The following PCDH7 variants were observed in gnomAD, a reference collection of about 807,000 sequenced individuals.
PCDH7 encodes protocadherin 7.
Under a neutral mutation model 58.9 loss-of-function variants are expected in PCDH7, and 17 were observed. The ratio of observed to expected loss-of-function variants is 0.29; its 90% CI spans 0.20 to 0.43. The LOEUF is 0.43. Ranked by LOEUF, PCDH7 falls within the 20% of genes least tolerant of loss-of-function variation. The probability of loss-of-function intolerance (pLI) is 1.00; values close to 1 mark genes in which losing one functional copy is unlikely to be tolerated. For synonymous variants in PCDH7, 664 were observed against 616.4 expected (o/e 1.08, Z -1.14); for missense variants, 1,274 against 1,441.0 (o/e 0.88, Z 1.88).
intron 2 of PCDH7, among the ~76,000 whole-genome samples, chr4:30,925,454 C>T (rs1743737872): frequency 6.6e-6 from 1 of 152,180 alleles, no homozygotes; most frequent in African/African-American, 2.4e-5. Flanking sequence ...TTCCATCTTT[C>T]CAAAGATCCT....
At chr4:30,970,710 A>G (rs1283177491) in intron 3 of PCDH7, among the ~76,000 whole-genome samples, 1 of 152,038 alleles carries the variant, frequency 6.6e-6, no homozygotes, top group Non-Finnish European at 1.5e-5. Flanking sequence ...AGCAATCAAC[A>G]CTCTTTTACA....
chr4:30,770,002 T>G (rs1721200008), intron 1 of PCDH7, among the ~76,000 whole-genome samples: 1 of 152,204 alleles, frequency 6.6e-6, no homozygotes, highest in Admixed American at 6.5e-5. Flanking sequence ...TAGCCTGAAG[T>G]GGCCAATCCC....
chr4:30,903,718 C>T (rs1423885339), intron 1 of PCDH7, among the ~76,000 whole-genome samples: 1 of 152,084 alleles, frequency 6.6e-6, no homozygotes, highest in East Asian at 1.9e-4. Context: ...GGATTCCTGA[C>T]TTGAAACTCC....
At chr4:30,737,910 A>C (rs1577598228), downstream of PCDH7, among the ~76,000 whole-genome samples, 1 of 152,156 alleles carries the variant, frequency 6.6e-6, no homozygotes, top group South Asian at 2.1e-4. Flanking sequence ...TAAACAACAG[A>C]AGTTAATTTT....
chr4:30,722,461 T>C lies in PCDH7; in HGVS notation c.1039T>C (p.Phe347Leu). Residue 347 changes from phenylalanine (F) to leucine (L), a missense_variant, in exon 1 of 2, where the codon TTC becomes CTC. Phe to Leu is a conservative substitution (Grantham distance 22). Around this residue, in one of 3 missense-constraint regions of PCDH7, gnomAD observed 331 missense variants for 303.2 expected, o/e 1.09. Transcript: ENST00000361762. This position sits in a 1 kb window ranked among gnomAD's most constrained non-coding sequence, Gnocchi z 7.6. ...GGTCAACGGGCAGATCGAATACGTG[T>C]TCGGGGCGGCCACCGAGTCGGTGAG... 2 of 1,610,306 alleles carry C rather than the reference T, an allele frequency of 1.2e-6. No homozygotes were observed. Among genetic ancestry groups the C allele is most frequent in the East Asian group, 2.2e-5 (1 of 44,774 alleles).
At chr4:30,976,747 C>A (rs1487836385) in intron 3 of PCDH7, among the ~76,000 whole-genome samples, 1 of 152,088 alleles carries the variant, frequency 6.6e-6, no homozygotes, top group Non-Finnish European at 1.5e-5. Flanking sequence ...ATGGGAAACA[C>A]GTTTGGTTGC....
At chr4:31,140,103 C>T (rs1720065877) in intron 3 of PCDH7, among the ~76,000 whole-genome samples, 1 of 152,152 alleles carries the variant, frequency 6.6e-6, no homozygotes, top group South Asian at 2.1e-4. Context: ...TTCAGTCAAT[C>T]TATTTAATAA....
intron 1 of PCDH7, among the ~76,000 whole-genome samples, chr4:30,887,910 A>C (rs1214788423): frequency 3.5e-5 from 5 of 143,694 alleles, no homozygotes; most frequent in Non-Finnish European, 7.6e-5. Context: ...GTGTCTTGCT[A>C]TGTTGTCCAG....
At chr4:30,733,771 A>T (rs1048740353), downstream of PCDH7, among the ~76,000 whole-genome samples, 3 of 152,162 alleles carry the variant, frequency 2.0e-5, no homozygotes, top group Non-Finnish European at 4.4e-5. Context: ...AAACCTTATA[A>T]CGTCTGTGAA....
chr4:31,032,184 G>A (rs953784111), intron 3 of PCDH7, among the ~76,000 whole-genome samples: 3 of 152,128 alleles, frequency 2.0e-5, no homozygotes, highest in Non-Finnish European at 4.4e-5. Context: ...AAAAAGTTTG[G>A]CCTCTAATTA....
At chr4:30,962,418 G>T (rs1748527608) in intron 3 of PCDH7, among the ~76,000 whole-genome samples, 3 of 152,090 alleles carry the variant, frequency 2.0e-5, no homozygotes, top group Admixed American at 2.0e-4. Context: ...TAAAGCCTAT[G>T]TGTACTGTGT....
At chr4:30,782,573 A>G (rs919928455) in intron 1 of PCDH7, among the ~76,000 whole-genome samples, 1 of 152,338 alleles carries the variant, frequency 6.6e-6, no homozygotes, top group African/African-American at 2.4e-5. Flanking sequence ...ATAACAAAAG[A>G]TAGAATAATA....
chr4:30,926,217 C>T (rs185354786), intron 2 of PCDH7, among the ~76,000 whole-genome samples: 1 of 149,352 alleles, frequency 6.7e-6, no homozygotes, highest in Non-Finnish European at 1.5e-5. Flanking sequence ...TGGAGTCTCA[C>T]TCTGCCACCC....
At chr4:31,134,791 T>A (rs1377722478) in intron 3 of PCDH7, among the ~76,000 whole-genome samples, 2 of 152,154 alleles carry the variant, frequency 1.3e-5, no homozygotes, top group African/African-American at 4.8e-5. Flanking sequence ...GGTCTCTGTC[T>A]CAAGTGGGGT....
chr4:30,742,352 C>T (rs1185746016), intron 1 of PCDH7, among the ~76,000 whole-genome samples: 1 of 151,856 alleles, frequency 6.6e-6, no homozygotes, highest in African/African-American at 2.4e-5. Context: ...GAAGGCACAC[C>T]CTGGAGGGAT....
chr4:30,998,880 G>A (rs1186936688), intron 3 of PCDH7, among the ~76,000 whole-genome samples: 2 of 152,128 alleles, frequency 1.3e-5, no homozygotes, highest in East Asian at 1.9e-4. Context: ...TATGCAATTG[G>A]AAAGGAAGCT....
intron 3 of PCDH7, among the ~76,000 whole-genome samples, chr4:31,127,335 G>T (rs1297057190): frequency 2.0e-5 from 3 of 152,094 alleles, no homozygotes; most frequent in Non-Finnish European, 4.4e-5. Flanking sequence ...TTTGTTAAGC[G>T]CAGACACGTT....
At chr4:30,724,308 G>C in exon 1 of PCDH7, 1 of 1,614,044 alleles carries the variant, frequency 6.2e-7, no homozygotes, top group Non-Finnish European at 8.5e-7. Flanking sequence ...CAAATGGACA[G>C]AGGTATGATA....
intron 1 of PCDH7, among the ~76,000 whole-genome samples, chr4:30,890,689 A>T (rs1490688017): frequency 6.6e-6 from 1 of 152,114 alleles, no homozygotes; most frequent in Non-Finnish European, 1.5e-5. Flanking sequence ...CAATAATCTG[A>T]TAGATATCTT....
Sources: allele counts gnomAD v4.1 joint callset (sites outside exome capture counted in the v4.1 genomes callset), GRCh38; gene constraint gnomAD v4.1.1; regional missense constraint gnomAD v4.1.1; non-coding constraint Gnocchi (gnomAD v3.1); transcripts MANE v1.5; gene names NCBI Gene and HGNC (gene_info 2026-07-23, HGNC 2026-07-21).